The following AFF1 variants were observed in gnomAD, a reference collection of about 807,000 sequenced individuals.
AFF1 encodes the protein ALF transcription elongation factor 1, also known as AF4/FMR2 family member 1.
AFF1 carries 48 observed loss-of-function variants against 121.7 expected under a neutral mutation model. That is an observed-to-expected ratio of 0.39 (90% CI 0.31 to 0.50). The LOEUF (loss-of-function observed/expected upper bound fraction) is 0.50, where lower values mean the gene tolerates loss of function less well. Ranked by LOEUF, AFF1 falls within the 20% of genes least tolerant of loss-of-function variation. AFF1 has a pLI of 0.76. For synonymous variants in AFF1, 613 were observed against 563.0 expected (o/e 1.09, Z -1.26); for missense variants, 1,523 against 1,511.7 (o/e 1.01, Z -0.12).
At chr4:87,023,097 T>TG (rs1226166820) in intron 2 of AFF1, among the ~76,000 whole-genome samples, 7 of 151,792 alleles carry the variant, frequency 4.6e-5, no homozygotes, top group Non-Finnish European at 7.4e-5. Flanking sequence ...TTTGTAGAGA[T>TG]GGGGTCTTTC....
At chr4:87,017,062 C>CATATAT (rs35857395) in intron 2 of AFF1, among the ~76,000 whole-genome samples, 1 of 145,894 alleles carries the variant, frequency 6.9e-6, no homozygotes, top group South Asian at 2.1e-4. Flanking sequence ...AGACTTTGGA[C>CATATAT]ATATATATAT....
At chr4:87,133,896 T>G (rs749755048) in intron 19 of AFF1, among the ~76,000 whole-genome samples, 2 of 152,246 alleles carry the variant, frequency 1.3e-5, no homozygotes, top group African/African-American at 2.4e-5. Context: ...TTAATATTAG[T>G]TCATTCATTG....
intron 2 of AFF1, among the ~76,000 whole-genome samples, chr4:86,962,350 TTTC>T (rs1308630462): frequency 3.3e-5 from 5 of 152,158 alleles, no homozygotes; most frequent in Admixed American, 2.0e-4. Flanking sequence ...GCTGGGCAAT[TTTC>T]TTAACCTCTC....
chr4:87,131,079 G>C lies in AFF1; in HGVS notation c.2965-4G>C, dbSNP rs1283407898. 1 of 1,613,878 alleles carries C rather than the reference G, an allele frequency of 6.2e-7. No homozygotes were observed. The highest frequency in any genetic ancestry group is 1.1e-5 in the South Asian group (1 of 91,012). ...CTAACAATGACCATGTTCTTCTCCT[G>C]CAGACGGACAGGGTTGGAAAGGCTT... On this transcript the variant is annotated splice_region_variant and splice_polypyrimidine_tract_variant and intron_variant, in intron 16 of 20. Transcript: ENST00000395146.
chr4:86,960,353 A>G (rs2149466527), intron 2 of AFF1, among the ~76,000 whole-genome samples: 1 of 152,270 alleles, frequency 6.6e-6, no homozygotes, highest in African/African-American at 2.4e-5. Context: ...TTGTTACAGT[A>G]AAGTGGAACA....
intron 2 of AFF1, among the ~76,000 whole-genome samples, chr4:86,952,687 CTT>C (rs35008076): frequency 7.3e-5 from 9 of 122,980 alleles, no homozygotes; most frequent in African/African-American, 1.2e-4. Flanking sequence ...AAAAACACAA[CTT>C]TTTTTTTTTT....
rs1378886626 is a variant in AFF1, at chr4:87,003,133, T to C, written c.39-43033T>C. On this transcript the variant is annotated intron_variant, in intron 2 of 20. Coordinates refer to ENST00000395146, the MANE Select transcript of AFF1 (RefSeq NM_001166693.3). ...TTATAATCTAGTATCATCCCACTTG[T>C]TTCAAATTACTCCCATGAATTTACA... Among the ~76,000 whole-genome samples the C allele has an allele frequency of 2.0e-5, 3 of 152,238 alleles. No homozygotes were observed. In the East Asian group the frequency reaches 5.8e-4, roughly 29 times the overall value.
intron 5 of AFF1, 95 bp downstream of exon 5, chr4:87,084,259 C>A: frequency 7.3e-7 from 1 of 1,363,650 alleles, no homozygotes; most frequent in Non-Finnish European, 1.0e-6. Context: ...TTGCCATTGG[C>A]TGGGTGCGGT....
At chr4:87,055,852 C>T (rs1720069892) in intron 4 of AFF1, among the ~76,000 whole-genome samples, 1 of 152,192 alleles carries the variant, frequency 6.6e-6, no homozygotes, top group Non-Finnish European at 1.5e-5. Flanking sequence ...TGTATTTCTT[C>T]TCTCCAGTTG....
At chr4:87,062,313 T>G (rs1720863071) in intron 4 of AFF1, among the ~76,000 whole-genome samples, 1 of 152,212 alleles carries the variant, frequency 6.6e-6, no homozygotes, top group African/African-American at 2.4e-5. Flanking sequence ...TACGTCCTCA[T>G]GTGGCAGAAG....
chr4:87,036,218 A>C (rs1413695446), intron 2 of AFF1, among the ~76,000 whole-genome samples: 1 of 152,210 alleles, frequency 6.6e-6, no homozygotes, highest in Admixed American at 6.5e-5. Context: ...CTCTGTTGCC[A>C]TTGTGGAGGG....
Position 87,046,951 on chromosome 4 carries a change from A to G in AFF1, c.416A>G (p.Asn139Ser), listed in dbSNP as rs754500412. 6 of 1,614,092 alleles carry G rather than the reference A, an allele frequency of 3.7e-6. No individual in the cohort carries two copies. The Admixed American group carries it at 6.7e-5, about 18-fold the overall frequency. Reference protein sequence around the residue: ...GPLSVGNISHNPKMAQPRTEP... With the variant: ...GPLSVGNISHSPKMAQPRTEP... The stretch of plus-strand genomic sequence containing the variant: ...CTTTCTGTTGGCAACATTAGCCACA[A>G]TCCAAAGATGGCGCAGCCAAGAACT... Residue 139 changes from asparagine (N) to serine (S), a missense_variant, in exon 4 of 21, where the codon AAT becomes AGT. Asn to Ser is a conservative substitution (Grantham distance 46, BLOSUM62 1). Transcript: ENST00000395146.
chr4:86,980,351 G>A (rs1285359569), intron 2 of AFF1, among the ~76,000 whole-genome samples: 1 of 152,202 alleles, frequency 6.6e-6, no homozygotes, highest in Non-Finnish European at 1.5e-5. Context: ...ACCCAGCTGG[G>A]CATGGCGGTA....
rs68156863 is a variant in AFF1, at chr4:87,012,217, C to CTTTTT, written c.39-33947_39-33946insTTTTT. 4.5e-3 allele frequency among the ~76,000 whole-genome samples: 518 copies of CTTTTT among 114,898 alleles called. 3 individuals carry two copies. Among genetic ancestry groups the CTTTTT allele is most frequent in the Non-Finnish European group, 6.7e-3 (363 of 54,086 alleles). 75.4% of individuals were successfully genotyped at this position (114,898 alleles called of 152,430 possible). A position where few individuals can be genotyped will look rare whatever the true frequency, so the allele number is the denominator to read the frequency against. On this transcript the variant is annotated intron_variant, in intron 2 of 20. Coordinates refer to ENST00000395146, the MANE Select transcript of AFF1 (RefSeq NM_001166693.3). ...GTTAGCAAACTTCTCCATTTCATTT[C>CTTTTT]TTGTTTTTTTTTTTTTTTGTATAAC...
In AFF1 at chr4:87,139,307, G is replaced by C. The variant is rs1297379291; in HGVS notation, c.*3606G>C. The C allele has an allele frequency of 4.3e-6, 1 of 232,918 alleles. No homozygotes were observed. The highest frequency in any genetic ancestry group is 2.2e-5 in the African/African-American group (1 of 45,308). 14.4% of individuals were successfully genotyped at this position (232,918 alleles called of 1,614,324 possible). A position where few individuals can be genotyped will look rare whatever the true frequency, so the allele number is the denominator to read the frequency against. On this transcript the variant is annotated 3_prime_UTR_variant, in exon 21 of 21. Coordinates refer to ENST00000395146, the MANE Select transcript of AFF1 (RefSeq NM_001166693.3). The stretch of plus-strand genomic sequence containing the variant: ...AGTTGTATTTGTGCATCTTAAAGTA[G>C]GTTGAGGCTTGAGGCTGGGCTTTCG...
chr4:86,948,398 C>T (rs1288363660), intron 1 of AFF1, 100 bp from the exon 2 acceptor site: 1 of 721,186 alleles, frequency 1.4e-6, no homozygotes, highest in South Asian at 2.4e-5. Context: ...CAAATGAGAA[C>T]TTGGAATTCT....
chr4:87,050,193 G>A (rs1039774330), intron 4 of AFF1, among the ~76,000 whole-genome samples: 16 of 151,656 alleles, frequency 1.1e-4, no homozygotes, highest in Admixed American at 4.6e-4. Flanking sequence ...TTTGGGTTTG[G>A]GGCAGAAGGG....
chr4:87,089,971 A>G lies in AFF1; in HGVS notation c.1105-13A>G. Reference sequence around the variant, plus strand: ...TAATTTACTTTTTCTTCCCTTTCCAAATATCTTTCCAGGAAATGACCCATT... The same window carrying G: ...TAATTTACTTTTTCTTCCCTTTCCAGATATCTTTCCAGGAAATGACCCATT... On this transcript the variant is annotated splice_polypyrimidine_tract_variant and intron_variant, in intron 5 of 20. Transcript: ENST00000395146. 1.2e-6 allele frequency: 2 copies of G among 1,607,778 alleles called. No homozygotes were observed. Among genetic ancestry groups the G allele is most frequent in the Non-Finnish European group, 1.7e-6 (2 of 1,174,918 alleles).
intron 2 of AFF1, among the ~76,000 whole-genome samples, chr4:87,024,045 T>C (rs1034337483): frequency 4.6e-5 from 7 of 152,232 alleles, no homozygotes; most frequent in African/African-American, 1.4e-4. Flanking sequence ...CATTCTGTTA[T>C]GTTCTGATCT....
Sources: gnomAD v4.1 joint callset for allele counts (sites outside exome capture counted in the v4.1 genomes callset) on GRCh38, gnomAD v4.1.1 for gene constraint, MANE v1.5 for transcripts, NCBI Gene and HGNC (gene_info 2026-07-23, HGNC 2026-07-21) for gene names.